Variants in AHRR observed in about 807,000 individuals in gnomAD.
The protein encoded by AHRR is aryl hydrocarbon receptor repressor.
In AHRR, 28 loss-of-function variants were observed where a neutral mutation model predicts 44.0. The ratio of observed to expected loss-of-function variants is 0.64; its 90% CI spans 0.47 to 0.87. The LOEUF is 0.87. AHRR is among the 40% of genes least tolerant of loss of function. The probability of loss-of-function intolerance (pLI) is 0.00; values close to 1 mark genes in which losing one functional copy is unlikely to be tolerated. For synonymous variants in AHRR, 434 were observed against 407.0 expected (o/e 1.07, Z -0.80); for missense variants, 990 against 953.9 (o/e 1.04, Z -0.50).
At chr5:333,016 C>T (rs747354159) in intron 1 of AHRR, among the ~76,000 whole-genome samples, 50 of 146,152 alleles carry the variant, frequency 3.4e-4, no homozygotes, top group African/African-American at 9.4e-4. Flanking sequence ...TTTTGGTTTC[C>T]GTCTGTGTGG....
At chr5:413,838 G>A (rs916246286) in intron 5 of AHRR, among the ~76,000 whole-genome samples, 2 of 152,206 alleles carry the variant, frequency 1.3e-5, no homozygotes, top group African/African-American at 2.4e-5. Context: ...CCTGACGTGC[G>A]AGTGGTTCAT....
intron 1 of AHRR, chr5:322,749 C>G (rs1314117263): frequency 1.3e-5 from 2 of 152,244 alleles, no homozygotes; most frequent in Non-Finnish European, 2.9e-5. Context: ...CGCACAAAGC[C>G]GGGGCTCGAT....
intron 1 of AHRR, among the ~76,000 whole-genome samples, chr5:340,688 A>ATATTTT (rs1269938749): frequency 7.7e-5 from 1 of 12,928 alleles, no homozygotes; most frequent in Non-Finnish European, 1.3e-4. Flanking sequence ...ATATATATAT[A>ATATTTT]TTTTTTTTTT....
intron 6 of AHRR, 114 bp from the exon 7 acceptor site, chr5:423,727 C>G (rs1736239383): frequency 7.4e-7 from 1 of 1,354,052 alleles, no homozygotes; most frequent in Admixed American, 2.6e-5. Flanking sequence ...GAGGATGGCA[C>G]AGTGATAGGG....
At chr5:394,721 T>C (rs552866403) in intron 4 of AHRR, among the ~76,000 whole-genome samples, 7 of 152,318 alleles carry the variant, frequency 4.6e-5, no homozygotes, top group Admixed American at 2.0e-4. Flanking sequence ...CTGGTCCCCG[T>C]GTGCGCTGGC....
rs1463809562 is a variant in AHRR, at chr5:370,568, C to G, written c.245-6042C>G. On this transcript the variant is annotated intron_variant, in intron 3 of 10. Coordinates refer to ENST00000684583, the MANE Select transcript of AHRR (RefSeq NM_001377236.1). The surrounding 1 kb of genome is among the most constrained non-coding windows in gnomAD (Gnocchi z 4.5). Reference sequence around the variant, plus strand: ...GTCTCACAGTGGGTGCAGCCCCAGGCAGGTGGTGGTCCATAGGGGACAGCC... The same window carrying G: ...GTCTCACAGTGGGTGCAGCCCCAGGGAGGTGGTGGTCCATAGGGGACAGCC... Among the ~76,000 whole-genome samples the G allele has an allele frequency of 6.6e-6, 1 of 152,142 alleles. No individual in the cohort carries two copies. The highest frequency in any genetic ancestry group is 1.5e-5 in the Non-Finnish European group (1 of 68,030).
At chr5:336,054 C>T (rs940546855) in intron 1 of AHRR, among the ~76,000 whole-genome samples, 1 of 152,262 alleles carries the variant, frequency 6.6e-6, no homozygotes, top group East Asian at 1.9e-4. Flanking sequence ...CTGCTAAGAA[C>T]TAGGATGGAG....
intron 7 of AHRR, among the ~76,000 whole-genome samples, chr5:425,760 T>A (rs1736360194): frequency 6.6e-6 from 1 of 152,194 alleles, no homozygotes; most frequent in Non-Finnish European, 1.5e-5. Flanking sequence ...GATGCTAAAA[T>A]ATTGCAATAA....
At chr5:379,049 GC>G (rs1313593893) in intron 4 of AHRR, among the ~76,000 whole-genome samples, 3 of 152,174 alleles carry the variant, frequency 2.0e-5, no homozygotes, top group African/African-American at 7.2e-5. Flanking sequence ...TGCAGTCACA[GC>G]CCCCTGCCCC....
In AHRR at chr5:421,291, G is replaced by C. The variant is rs775224096; in HGVS notation, c.442-1438G>C. The C allele has an allele frequency of 5.7e-6, 4 of 697,596 alleles. No homozygotes were observed. In the South Asian group the frequency reaches 5.9e-5, roughly 10 times the overall value. The allele number at this position is 697,596 out of a possible 1,614,324, so 43.2% of individuals were successfully genotyped here. A position where few individuals can be genotyped will look rare whatever the true frequency, so the allele number is the denominator to read the frequency against. On this transcript the variant is annotated intron_variant, in intron 5 of 10. Transcript: ENST00000684583. ...GTGCAGGCACGGAACGGGCGAGGCT[G>C]TTGCGCTGCAGGTGCCCCCACGGTC...
rs757840479 is a variant in AHRR, at chr5:432,885, G to A, written c.1050G>A (p.Arg350=). The change falls in exon 10 of 11, where the codon AGG becomes AGA. Residue 350 remains arginine (R), a synonymous_variant. Coordinates refer to ENST00000684583, the MANE Select transcript of AHRR (RefSeq NM_001377236.1). The part of the protein sequence containing the change: ...DAGRWAQVPA[R]APCLCLRGGP... ...GCCGATGGGCACAGGTTCCCGCCAG[G>A]GCCCCATGCCTGTGCCTCCGGGGTG... 3.7e-6 allele frequency: 6 copies of A among 1,613,702 alleles called. No individual in the cohort carries two copies. Among genetic ancestry groups the A allele is most frequent in the Non-Finnish European group, 4.2e-6 (5 of 1,180,024 alleles).
At chr5:422,178 C>A (rs557974169) in intron 5 of AHRR, among the ~76,000 whole-genome samples, 2 of 152,122 alleles carry the variant, frequency 1.3e-5, no homozygotes, top group Non-Finnish European at 2.9e-5. Flanking sequence ...CAGCCTCTGT[C>A]GCCAGACATG....
At chr5:376,558 G>GGAAAGA in intron 3 of AHRR, 52 bp from the exon 4 acceptor site, 1 of 223,490 alleles carries the variant, frequency 4.5e-6, no homozygotes, top group Non-Finnish European at 8.0e-6. Flanking sequence ...ATGAAGAAGA[G>GGAAAGA]TGGCCAGGCC....
chr5:425,951 A>G (rs552194747), intron 7 of AHRR, among the ~76,000 whole-genome samples: 1 of 152,180 alleles, frequency 6.6e-6, no homozygotes, highest in African/African-American at 2.4e-5. Context: ...AAGCTCCCTC[A>G]TGCCACCCAC....
At position 415,614 on chromosome 5, in the gene AHRR, C is replaced by CTGCT. The variant is rs1735745120; in HGVS notation, c.441+2181_441+2182insTGCT. ...TAGGGGCCGAATCTGCCTGGTGGGG[C>CTGCT]GGGAGGCCTAGGGGCCGAATCTGCC... On this transcript the variant is annotated intron_variant, in intron 5 of 10. Transcript: ENST00000684583. 6.3e-3 allele frequency among the ~76,000 whole-genome samples: 418 copies of CTGCT among 66,192 alleles called. 4 individuals are homozygous for CTGCT. The highest frequency in any genetic ancestry group is 0.018 in the Middle Eastern group (2 of 114). The allele number at this position is 66,192 out of a possible 152,430, so 43.4% of individuals were successfully genotyped here. A position where few individuals can be genotyped will look rare whatever the true frequency, so the allele number is the denominator to read the frequency against.
At chr5:380,033 T>C (rs917362158) in intron 4 of AHRR, among the ~76,000 whole-genome samples, 3 of 152,214 alleles carry the variant, frequency 2.0e-5, no homozygotes, top group Admixed American at 6.5e-5. Flanking sequence ...GGGTCAAGAT[T>C]TATTGTTTTT....
rs1734280389 is a variant in AHRR, at chr5:388,845, CT to C, written c.351+12130del. 6.6e-6 allele frequency among the ~76,000 whole-genome samples: 1 copy of C among 152,208 alleles called. No homozygotes were observed. Among genetic ancestry groups the C allele is most frequent in the Non-Finnish European group, 1.5e-5 (1 of 68,034 alleles). On this transcript the variant is annotated intron_variant, in intron 4 of 10. Coordinates refer to ENST00000684583, the MANE Select transcript of AHRR (RefSeq NM_001377236.1). The surrounding 1 kb of genome is among the most constrained non-coding windows in gnomAD (Gnocchi z 5.2). ...GGAAGCTGGCAGGAGGACAGTGTGG[CT>C]GGGCCAGATGCCTGAGGACACAATG... is the stretch of plus-strand genomic sequence containing the variant.
chr5:421,213 G>T, intron 5 of AHRR: 1 of 677,748 alleles, frequency 1.5e-6, no homozygotes, highest in Non-Finnish European at 2.7e-6. Flanking sequence ...GGACCCAGCG[G>T]CCTCCTCGTC....
At chr5:414,880 A>G (rs1217511496) in intron 5 of AHRR, among the ~76,000 whole-genome samples, 1 of 152,232 alleles carries the variant, frequency 6.6e-6, no homozygotes, top group Non-Finnish European at 1.5e-5. Flanking sequence ...AGGCAGTGTT[A>G]ACCAGTAGCA....
Sources: gnomAD v4.1 joint callset for allele counts (sites outside exome capture counted in the v4.1 genomes callset) on GRCh38, gnomAD v4.1.1 for gene constraint, Gnocchi (gnomAD v3.1) non-coding constraint, MANE v1.5 for transcripts, NCBI Gene and HGNC (gene_info 2026-07-23, HGNC 2026-07-21) for gene names.